COL12A1: variants seen among roughly 807,000 people sequenced by gnomAD.
COL12A1 encodes the protein collagen type XII alpha 1 chain, also known as collagen alpha-1(XII) chain.
COL12A1 carries 114 observed loss-of-function variants against 349.7 expected under a neutral mutation model. The observed-to-expected ratio is 0.33, with a 90% CI of 0.28 to 0.38. The LOEUF (loss-of-function observed/expected upper bound fraction) is 0.38, where lower values mean the gene tolerates loss of function less well. Ranked by LOEUF, COL12A1 falls within the 10% of genes least tolerant of loss-of-function variation. The probability of loss-of-function intolerance (pLI) is 1.00; values close to 1 mark genes in which losing one functional copy is unlikely to be tolerated. For missense variants in COL12A1, 3,284 were observed against 3,756.9 expected, an observed-to-expected ratio of 0.87 and a Z score of 3.29; for synonymous variants, 1,369 against 1,329.0, an observed-to-expected ratio of 1.03 and a Z score of -0.66.
chr6:75,158,930 G>A (rs1788116148), intron 14 of COL12A1, among the ~76,000 whole-genome samples: 1 of 151,944 alleles, frequency 6.6e-6, no homozygotes, highest in African/African-American at 2.4e-5. Flanking sequence ...CCTGAATAAA[G>A]TGGGGGTGTA....
At chr6:75,125,039 T>C in intron 40 of COL12A1, 88 bp downstream of exon 40, 1 of 1,304,650 alleles carries the variant, frequency 7.7e-7, no homozygotes, top group Non-Finnish European at 1.0e-6. Flanking sequence ...GAAACATGTA[T>C]ATGTTCAGAA....
At chr6:75,135,267 A>G (rs1202666872) in intron 31 of COL12A1, among the ~76,000 whole-genome samples, 1 of 152,230 alleles carries the variant, frequency 6.6e-6, no homozygotes, top group Non-Finnish European at 1.5e-5. Flanking sequence ...TACCTTTTTA[A>G]CAGATGTTTT....
At chr6:75,139,662 T>G (rs1276763904) in intron 27 of COL12A1, among the ~76,000 whole-genome samples, 3 of 152,122 alleles carry the variant, frequency 2.0e-5, no homozygotes, top group Non-Finnish European at 2.9e-5. Flanking sequence ...GGAAAGGAAC[T>G]CTGAGCATGT....
chr6:75,095,067 G>A lies in COL12A1; in HGVS notation c.8649+41C>T, dbSNP rs10943236. The A allele has an allele frequency of 0.04, 62,592 of 1,567,618 alleles. 4,683 individuals carry two copies. Among genetic ancestry groups the A allele is most frequent in the African/African-American group, 0.3 (22,011 of 73,720 alleles). ...TGCAGTTCTCATTATTTATTTCCAC[G>A]GTGAAACCACTGTCAGTAGACATGC... On this transcript the variant is annotated intron_variant, in intron 60 of 65. Coordinates refer to ENST00000322507, the MANE Select transcript of COL12A1 (RefSeq NM_004370.6).
chr6:75,145,060 A>G (rs1164516883), intron 25 of COL12A1, among the ~76,000 whole-genome samples: 2 of 152,222 alleles, frequency 1.3e-5, no homozygotes, highest in Non-Finnish European at 2.9e-5. Context: ...CCTAGCCAAG[A>G]GCAATAATAG....
chr6:75,094,950 A>T (rs763552079), intron 60 of COL12A1, among the ~76,000 whole-genome samples, 158 bp downstream of exon 60: 9 of 152,222 alleles, frequency 5.9e-5, no homozygotes, highest in Non-Finnish European at 1.0e-4. Context: ...AAAATTTTGA[A>T]CTAGTACCAA....
chr6:75,175,068 C>A lies in COL12A1; in HGVS notation c.2680G>T (p.Ala894Ser), dbSNP rs1415214085. 8 of 1,613,958 alleles carry A rather than the reference C, an allele frequency of 5.0e-6. No homozygotes were observed. Among genetic ancestry groups the A allele is most frequent in the Non-Finnish European group, 6.8e-6 (8 of 1,180,000 alleles). The change falls in exon 13 of 66, where the codon GCC becomes TCC. Residue 894 changes from alanine (A) to serine (S), a missense_variant. Coordinates refer to ENST00000322507, the MANE Select transcript of COL12A1 (RefSeq NM_004370.6). ...TALYASGAGDALFGEGTTLEE... is the reference protein window; with the variant it reads ...TALYASGAGDSLFGEGTTLEE... ...AGTGTTGTTCCTTCACCAAAGAGGGCGTCTCCAGCCCCAGACGCATACAAG... is the reference window on the plus strand; with the variant it reads ...AGTGTTGTTCCTTCACCAAAGAGGGAGTCTCCAGCCCCAGACGCATACAAG...
At chr6:75,093,338 A>G (rs1325005251) in intron 60 of COL12A1, among the ~76,000 whole-genome samples, 1 of 152,212 alleles carries the variant, frequency 6.6e-6, no homozygotes, top group Non-Finnish European at 1.5e-5. Flanking sequence ...AACATCTCCT[A>G]TAGAATATCA....
chr6:75,143,659 T>G (rs1230141607), intron 25 of COL12A1, among the ~76,000 whole-genome samples: 10 of 152,238 alleles, frequency 6.6e-5, no homozygotes, highest in Admixed American at 5.9e-4. Context: ...CCACATTATT[T>G]AAATAATCTC....
chr6:75,115,217 C>T (rs981702361), intron 49 of COL12A1, among the ~76,000 whole-genome samples: 4 of 151,988 alleles, frequency 2.6e-5, no homozygotes, highest in Non-Finnish European at 4.4e-5. Flanking sequence ...TATTTTTCAG[C>T]ATAAAAAGTT....
chr6:75,133,384 C>T lies in COL12A1; in HGVS notation c.5703G>A (p.Arg1901=). 6.2e-7 allele frequency: 1 copy of T among 1,612,566 alleles called. No individual in the cohort carries two copies. Among genetic ancestry groups the T allele is most frequent in the Non-Finnish European group, 8.5e-7 (1 of 1,179,280 alleles). ...TGTATGAGGTATCTGGCTGCAGATT[C>T]CTAAGAATGGCATAATTGGTATTCC... is the stretch of plus-strand genomic sequence containing the variant. ...IPGNTNYAIL[R]NLQPDTSYTV... Residue 1901 remains arginine, a synonymous_variant, in exon 34 of 66, where the codon AGG becomes AGA. Coordinates refer to ENST00000322507, the MANE Select transcript of COL12A1 (RefSeq NM_004370.6).
Position 75,165,735 on chromosome 6 carries a change from T to C in COL12A1, c.2755A>G (p.Thr919Ala). 1 of 1,613,956 alleles carries C rather than the reference T, an allele frequency of 6.2e-7. No individual in the cohort carries two copies. Among genetic ancestry groups the C allele is most frequent in the Non-Finnish European group, 8.5e-7 (1 of 1,179,880 alleles). The change falls in exon 14 of 66, where the codon ACA becomes GCA. Residue 919 changes from threonine to alanine, a missense_variant. Transcript: ENST00000322507. ...GATGTCCAATAAGCCCCAATTGATG[T>C]GTCAGTGATGTCTTTAGTAACTAAA... ...QDLVTKDITD[T>A]SIGAYWTSAP... is the part of the protein sequence containing the mutation.
chr6:75,099,934 G>A (rs762195907), intron 58 of COL12A1, among the ~76,000 whole-genome samples: 10 of 151,988 alleles, frequency 6.6e-5, no homozygotes, highest in East Asian at 1.9e-4. Flanking sequence ...CTGAGTTCAC[G>A]TTTTGTTTTG....
At chr6:75,178,018 C>T (rs922698270) in intron 11 of COL12A1, 83 bp from the exon 12 acceptor site, 63 of 1,251,020 alleles carry the variant, frequency 5.0e-5, no homozygotes, top group Non-Finnish European at 9.9e-6. Flanking sequence ...CTTTTTATTA[C>T]TAAATTATAC....
At chr6:75,180,364 T>C (rs1330291530) in intron 11 of COL12A1, among the ~76,000 whole-genome samples, 3 of 151,940 alleles carry the variant, frequency 2.0e-5, no homozygotes, top group Non-Finnish European at 4.4e-5. Flanking sequence ...AAGGAGGGAA[T>C]GGGGAGTTAT....
chr6:75,124,135 AT>A, intron 41 of COL12A1, 41 bp from the exon 42 acceptor site: 3 of 1,597,716 alleles, frequency 1.9e-6, no homozygotes, highest in Non-Finnish European at 2.6e-6. Flanking sequence ...GTCATCACCA[AT>A]TATATTTCAA....
intron 38 of COL12A1, among the ~76,000 whole-genome samples, chr6:75,126,892 C>T (rs1766043849): frequency 6.6e-6 from 1 of 152,026 alleles, no homozygotes; most frequent in Admixed American, 6.6e-5. Flanking sequence ...AAAACCACCC[C>T]AGCTACCTAA....
chr6:75,194,767 G>A, intron 3 of COL12A1, 64 bp downstream of exon 3: 1 of 981,262 alleles, frequency 1.0e-6, no homozygotes, highest in African/African-American at 1.6e-5. Context: ...AAGGGGAGAA[G>A]AGGTGGAGAT....
intron 26 of COL12A1, 131 bp from the exon 27 acceptor site, chr6:75,142,292 A>G: frequency 9.4e-7 from 1 of 1,061,130 alleles, no homozygotes; most frequent in South Asian, 1.7e-5. Context: ...TTTCCAATAT[A>G]CATGAGAATC....
Sources: gnomAD v4.1 joint callset for allele counts (sites outside exome capture counted in the v4.1 genomes callset) on GRCh38, gnomAD v4.1.1 for gene constraint, MANE v1.5 for transcripts, NCBI Gene and HGNC (gene_info 2026-07-23, HGNC 2026-07-21) for gene names.